NALF1: variants seen among roughly 807,000 people sequenced by gnomAD.
NALF1 encodes NALCN channel auxiliary factor 1.
Under a neutral mutation model 48.4 loss-of-function variants are expected in NALF1, and 3 were observed. That is an observed-to-expected ratio of 0.06 (90% CI 0.03 to 0.16). The LOEUF is 0.16. Ranked by LOEUF, NALF1 falls within the 10% of genes least tolerant of loss-of-function variation. The pLI, the probability that NALF1 is intolerant of heterozygous loss-of-function variation, is 1.00. For missense variants in NALF1, 526 were observed against 571.5 expected (o/e 0.92, Z 0.81); for synonymous variants, 262 against 245.7 (o/e 1.07, Z -0.62).
At chr13:107,375,347 T>C (rs1883318481) in intron 1 of NALF1, among the ~76,000 whole-genome samples, 1 of 152,168 alleles carries the variant, frequency 6.6e-6, no homozygotes, top group Non-Finnish European at 1.5e-5. Context: ...TGAAGACAAA[T>C]TGAAAGCTAT....
At chr13:107,453,756 T>C (rs1285560563) in intron 1 of NALF1, among the ~76,000 whole-genome samples, 2 of 152,248 alleles carry the variant, frequency 1.3e-5, no homozygotes, top group East Asian at 3.8e-4. Flanking sequence ...TTTACCAAAC[T>C]TTTATGTTCT....
chr13:107,730,760 A>G (rs1018466506), intron 1 of NALF1, among the ~76,000 whole-genome samples: 1 of 152,212 alleles, frequency 6.6e-6, no homozygotes, highest in African/African-American at 2.4e-5. Flanking sequence ...AATCACCACC[A>G]ATTAACCTTT....
At chr13:107,289,068 C>A (rs1415516590) in intron 1 of NALF1, among the ~76,000 whole-genome samples, 1 of 152,126 alleles carries the variant, frequency 6.6e-6, no homozygotes, top group African/African-American at 2.4e-5. Context: ...GTTCATAAAT[C>A]CTGTTTGTTT....
intron 1 of NALF1, among the ~76,000 whole-genome samples, chr13:107,399,306 G>C (rs1883764218): frequency 6.6e-6 from 1 of 152,106 alleles, no homozygotes; most frequent in Non-Finnish European, 1.5e-5. Flanking sequence ...AGATAATTGT[G>C]TGTGTGTGTT....
At chr13:107,407,962 G>A (rs1168140176) in intron 1 of NALF1, among the ~76,000 whole-genome samples, 1 of 152,002 alleles carries the variant, frequency 6.6e-6, no homozygotes, top group African/African-American at 2.4e-5. Flanking sequence ...AACACGCATG[G>A]AACTGGATGA....
intron 1 of NALF1, among the ~76,000 whole-genome samples, chr13:107,807,246 T>C (rs978865459): frequency 6.6e-6 from 1 of 152,150 alleles, no homozygotes; most frequent in African/African-American, 2.4e-5. Context: ...ATATCTAAGA[T>C]ATAATATGCA....
chr13:107,783,292 C>G, intron 1 of NALF1, among the ~76,000 whole-genome samples: 1 of 92,836 alleles, frequency 1.1e-5, no homozygotes, highest in South Asian at 3.8e-4. Context: ...GTGAGGGGCG[C>G]CTCTGCCCGG....
chr13:107,192,956 A>G (rs1052411335), intron 2 of NALF1, among the ~76,000 whole-genome samples: 1 of 151,396 alleles, frequency 6.6e-6, no homozygotes, highest in Admixed American at 6.6e-5. Flanking sequence ...ATATGTTCTT[A>G]GTAACATTTT....
At chr13:107,511,972 C>T (rs148962838) in intron 1 of NALF1, among the ~76,000 whole-genome samples, 18 of 152,350 alleles carry the variant, frequency 1.2e-4, no homozygotes, top group African/African-American at 3.6e-4. Context: ...TTCTGGCTGT[C>T]TTTGATGGCT....
intron 1 of NALF1, among the ~76,000 whole-genome samples, chr13:107,320,225 C>T (rs142570368): frequency 3.3e-5 from 5 of 152,010 alleles, no homozygotes; most frequent in Non-Finnish European, 7.4e-5. Context: ...TGGCCATTTT[C>T]ATCCTTTAAA....
At chr13:107,306,275 C>T (rs940083775) in intron 1 of NALF1, among the ~76,000 whole-genome samples, 6 of 152,054 alleles carry the variant, frequency 3.9e-5, no homozygotes, top group African/African-American at 1.4e-4. Context: ...GCTGTTGGAC[C>T]GTGGTAATGG....
intron 1 of NALF1, among the ~76,000 whole-genome samples, chr13:107,252,617 G>T (rs1880725771): frequency 6.6e-6 from 1 of 152,132 alleles, no homozygotes; most frequent in Non-Finnish European, 1.5e-5. Context: ...TACTTCTACT[G>T]TATTCTAATT....
At chr13:107,542,913 T>G (rs1877035189) in intron 1 of NALF1, among the ~76,000 whole-genome samples, 1 of 152,102 alleles carries the variant, frequency 6.6e-6, no homozygotes, top group Non-Finnish European at 1.5e-5. Context: ...AGTTTATATT[T>G]CTTGATAATT....
intron 1 of NALF1, among the ~76,000 whole-genome samples, chr13:107,340,066 AC>A (rs1435821976): frequency 6.6e-6 from 1 of 152,042 alleles, no homozygotes; most frequent in African/African-American, 2.4e-5. Context: ...GGTGGTGCTG[AC>A]CTGCCCATTT....
intron 1 of NALF1, among the ~76,000 whole-genome samples, chr13:107,855,214 C>T (rs2138645567): frequency 6.6e-6 from 1 of 152,172 alleles, no homozygotes; most frequent in South Asian, 2.1e-4. Context: ...TGAAAGCACC[C>T]TGGGAATCAA....
intron 1 of NALF1, among the ~76,000 whole-genome samples, chr13:107,555,343 G>A (rs911083726): frequency 6.6e-6 from 1 of 151,362 alleles, no homozygotes; most frequent in African/African-American, 2.4e-5. Context: ...TGGGGTCTCA[G>A]CTCACTGCAA....
intron 1 of NALF1, among the ~76,000 whole-genome samples, chr13:107,757,829 T>A (rs1247305173): frequency 2.0e-5 from 3 of 152,228 alleles, no homozygotes; most frequent in African/African-American, 7.2e-5. Flanking sequence ...TCTGAATATT[T>A]AGATTTAAAT....
chr13:107,698,868 G>C (rs1881755359), intron 1 of NALF1, among the ~76,000 whole-genome samples: 1 of 152,060 alleles, frequency 6.6e-6, no homozygotes, highest in East Asian at 1.9e-4. Flanking sequence ...CAGACATACT[G>C]CTGATAGAGT....
chr13:107,866,910 G>A lies in NALF1; in HGVS notation c.-314C>T, dbSNP rs1473315832. ...TGGGAAACAATAATGGAGAGAGAGA[G>A]AGAGAGAGAGACGGAGGAGGCTGGT... On this transcript the variant is annotated 5_prime_UTR_variant, in exon 1 of 3. Transcript: ENST00000375915. This position sits in a 1 kb window ranked among gnomAD's most constrained non-coding sequence, Gnocchi z 4.4. Among the ~76,000 whole-genome samples the A allele has an allele frequency of 6.6e-6, 1 of 152,064 alleles. No homozygotes were observed. Among genetic ancestry groups the A allele is most frequent in the African/African-American group, 2.4e-5 (1 of 41,426 alleles).
Sources: gnomAD v4.1 joint callset for allele counts (sites outside exome capture counted in the v4.1 genomes callset) on GRCh38, gnomAD v4.1.1 for gene constraint, Gnocchi (gnomAD v3.1) non-coding constraint, MANE v1.5 for transcripts, NCBI Gene and HGNC (gene_info 2026-07-23, HGNC 2026-07-21) for gene names.